The following DEDD2 variants were observed in gnomAD, a reference collection of about 807,000 sequenced individuals.
The protein encoded by DEDD2 is death effector domain containing 2, also known as DNA-binding death effector domain-containing protein 2.
DEDD2 carries 18 observed loss-of-function variants against 28.9 expected under a neutral mutation model. The ratio of observed to expected loss-of-function variants is 0.62; its 90% CI spans 0.43 to 0.92. The LOEUF (loss-of-function observed/expected upper bound fraction) is 0.92. Among genes scored for constraint, DEDD2 ranks in the 40% least tolerant of loss-of-function variants. The probability of loss-of-function intolerance (pLI) is 0.00; values close to 1 mark genes in which losing one functional copy is unlikely to be tolerated. For missense variants in DEDD2, 411 were observed against 463.3 expected, an observed-to-expected ratio of 0.89 and a Z score of 1.04; for synonymous variants, 211 against 206.1, an observed-to-expected ratio of 1.02 and a Z score of -0.20.
chr19:42,200,739 G>A (rs2146849073), intron 4 of DEDD2, among the ~76,000 whole-genome samples: 1 of 152,338 alleles, frequency 6.6e-6, no homozygotes, highest in East Asian at 1.9e-4. Flanking sequence ...CACGATCGTA[G>A]CTGGATTTTC....
chr19:42,200,719 C>CACATGAGCCCACGATCGTAGCTG (rs2035298770), intron 4 of DEDD2, among the ~76,000 whole-genome samples: 3 of 152,220 alleles, frequency 2.0e-5, no homozygotes, highest in Admixed American at 2.0e-4. Flanking sequence ...CTGAGGTCAT[C>CACATGAGCCCACGATCGTAGCTG]ACATGAGCCC....
In DEDD2 at chr19:42,199,883, T is replaced by G; in HGVS notation, c.590-54A>C. On this transcript the variant is annotated intron_variant, in intron 4 of 4. Transcript: ENST00000596251. This position sits in a 1 kb window ranked among gnomAD's most constrained non-coding sequence, Gnocchi z 7.4. ...AGGGGGCCAACACTAGACACACTTA[T>G]GGGGAACGCCACCCTTCCTCCCTCC... is the stretch of plus-strand genomic sequence containing the variant. 1 of 1,510,712 alleles carries G rather than the reference T, an allele frequency of 6.6e-7. No individual in the cohort carries two copies. The highest frequency in any genetic ancestry group is 8.9e-7 in the Non-Finnish European group (1 of 1,124,844). The allele number at this position is 1,510,712 out of a possible 1,614,324, so 93.6% of individuals were successfully genotyped here. A position where few individuals can be genotyped will look rare whatever the true frequency, so the allele number is the denominator to read the frequency against.
intron 4 of DEDD2, among the ~76,000 whole-genome samples, chr19:42,209,009 G>A (rs371879576): frequency 1.3e-5 from 2 of 152,178 alleles, no homozygotes; most frequent in East Asian, 1.9e-4. Context: ...AGGCTGAGGC[G>A]GGTGGATCAC....
At chr19:42,217,173 C>G (rs2036013405) in intron 1 of DEDD2, 128 bp from the exon 2 acceptor site, 1 of 674,070 alleles carries the variant, frequency 1.5e-6, no homozygotes, top group Non-Finnish European at 2.5e-6. Flanking sequence ...ACCGCCTCGG[C>G]CTCCCCCTCC....
At chr19:42,201,112 G>T (rs1056833942) in intron 4 of DEDD2, among the ~76,000 whole-genome samples, 1 of 152,156 alleles carries the variant, frequency 6.6e-6, no homozygotes, top group Non-Finnish European at 1.5e-5. Flanking sequence ...TGTGGGACAG[G>T]TCCTATTATC....
At chr19:42,201,475 T>C (rs1472290440) in intron 4 of DEDD2, among the ~76,000 whole-genome samples, 1 of 152,252 alleles carries the variant, frequency 6.6e-6, no homozygotes, top group African/African-American at 2.4e-5. Flanking sequence ...ACCCCTCTGA[T>C]AGGCCAATTG....
intron 2 of DEDD2, among the ~76,000 whole-genome samples, chr19:42,215,854 C>A (rs1568455536): frequency 6.6e-6 from 1 of 152,206 alleles, no homozygotes; most frequent in Non-Finnish European, 1.5e-5. Flanking sequence ...AGGAGCACTT[C>A]CTTCACAAGG....
Position 42,215,165 on chromosome 19 carries a change from G to A in DEDD2, c.416C>T (p.Ser139Phe). 6.2e-7 allele frequency: 1 copy of A among 1,614,158 alleles called. No homozygotes were observed. The highest frequency in any genetic ancestry group is 8.5e-7 in the Non-Finnish European group (1 of 1,180,038). Residue 139 changes from serine (S) to phenylalanine (F), a missense_variant, in exon 3 of 5, where the codon TCT becomes TTT. Coordinates refer to ENST00000596251, the MANE Select transcript of DEDD2 (RefSeq NM_133328.4). ...SCRRRRQSSSSANSQQGQWET... is the reference protein window; with the variant it reads ...SCRRRRQSSSFANSQQGQWET... Reference sequence around the variant, plus strand: ...CCACTGACCCTGCTGAGAATTTGCAGAACTGCTTGACTGCCGACGGCGACG... The same window carrying A: ...CCACTGACCCTGCTGAGAATTTGCAAAACTGCTTGACTGCCGACGGCGACG...
At chr19:42,210,337 G>A (rs959320339) in intron 3 of DEDD2, among the ~76,000 whole-genome samples, 14 of 152,252 alleles carry the variant, frequency 9.2e-5, no homozygotes, top group African/African-American at 3.4e-4. Context: ...GACTAGAAAT[G>A]AATGAATTGG....
Position 42,216,741 on chromosome 19 carries a change from G to T in DEDD2, c.267C>A (p.Leu89=), listed in dbSNP as rs573901612. The change falls in exon 2 of 5, where the codon CTC becomes CTA. Residue 89 remains leucine, a synonymous_variant. Coordinates refer to ENST00000596251, the MANE Select transcript of DEDD2 (RefSeq NM_133328.4). ...GGTCGTGGCGGGCCAGCACGCGCAG[G>T]AGTTGCCCCAGCAGCCGCAGGTTGC... is the stretch of plus-strand genomic sequence containing the variant. ...DESNLRLLGQ[L]LRVLARHDLL... is the part of the protein sequence containing the mutation. 9 of 1,593,762 alleles carry T rather than the reference G, an allele frequency of 5.6e-6. No homozygotes were observed. In the Admixed American group the frequency reaches 1.4e-4, roughly 24 times the overall value.
In DEDD2 at chr19:42,209,726, G is replaced by A; in HGVS notation, c.563C>T (p.Pro188Leu). The A allele has an allele frequency of 6.2e-7, 1 of 1,607,964 alleles. No homozygotes were observed. The highest frequency in any genetic ancestry group is 8.5e-7 in the Non-Finnish European group (1 of 1,177,296). Residue 188 changes from proline to leucine, a missense_variant, in exon 4 of 5, where the codon CCT (proline) becomes CTT (leucine). Transcript: ENST00000596251. The part of the protein sequence containing the change: ...APQQQSEPAR[P>L]SSEGKVTCDI... Reference sequence around the variant, plus strand: ...ACAGGTCACTTTGCCTTCAGAGGAAGGTCTGGCGGGCTCTGACTGCTGCTG... The same window carrying A: ...ACAGGTCACTTTGCCTTCAGAGGAAAGTCTGGCGGGCTCTGACTGCTGCTG...
intron 2 of DEDD2, among the ~76,000 whole-genome samples, chr19:42,215,757 C>T (rs1398342149): frequency 6.6e-6 from 1 of 152,288 alleles, no homozygotes; most frequent in Non-Finnish European, 1.5e-5. Flanking sequence ...CCTTTAGTAA[C>T]CCAGACAAAG....
intron 3 of DEDD2, among the ~76,000 whole-genome samples, chr19:42,213,310 A>G (rs1164133600): frequency 6.6e-6 from 1 of 152,252 alleles, no homozygotes; most frequent in Non-Finnish European, 1.5e-5. Flanking sequence ...ACCATTTTGC[A>G]AACACCAATG....
Position 42,215,255 on chromosome 19 carries a change from G to A in DEDD2, c.329-3C>T. 1 of 1,613,820 alleles carries A rather than the reference G, an allele frequency of 6.2e-7. No homozygotes were observed. Among genetic ancestry groups the A allele is most frequent in the East Asian group, 2.2e-5 (1 of 44,870 alleles). On this transcript the variant is annotated splice_polypyrimidine_tract_variant and splice_region_variant and intron_variant, in intron 2 of 4. Transcript: ENST00000596251. ...ATAGCTATAGCGTTCTGGAGACACT[G>A]GAGGAAGAGAAGAACAGGAAGAAGC...
chr19:42,219,151 A>G (rs2036082217), upstream of DEDD2, among the ~76,000 whole-genome samples: 2 of 151,662 alleles, frequency 1.3e-5, no homozygotes, highest in Admixed American at 6.6e-5. Flanking sequence ...CTAAAAATAC[A>G]AAATTAGCCG....
At chr19:42,203,048 G>A (rs2035393805) in intron 4 of DEDD2, among the ~76,000 whole-genome samples, 1 of 152,212 alleles carries the variant, frequency 6.6e-6, no homozygotes, top group Non-Finnish European at 1.5e-5. Context: ...AGGTGATGCT[G>A]TTATTATTCC....
intron 4 of DEDD2, among the ~76,000 whole-genome samples, chr19:42,206,944 G>A (rs1366470615): frequency 6.6e-6 from 1 of 152,170 alleles, no homozygotes; most frequent in East Asian, 1.9e-4. Context: ...TGGTGAGTCA[G>A]CAGTCAGACC....
chr19:42,216,541 A>C (rs2035975465), intron 2 of DEDD2, 139 bp downstream of exon 2: 2 of 880,556 alleles, frequency 2.3e-6, no homozygotes, highest in Non-Finnish European at 3.3e-6. Context: ...TTGCTCATTG[A>C]TATTGTGGGA....
chr19:42,218,531 G>C (rs1332553418), upstream of DEDD2, among the ~76,000 whole-genome samples: 2 of 152,094 alleles, frequency 1.3e-5, no homozygotes, highest in Admixed American at 6.5e-5. Context: ...TGTGGTGTAT[G>C]CGTGTCCCCT....
Sources: allele counts gnomAD v4.1 joint callset (sites outside exome capture counted in the v4.1 genomes callset), GRCh38; gene constraint gnomAD v4.1.1; non-coding constraint Gnocchi (gnomAD v3.1); transcripts MANE v1.5; gene names NCBI Gene and HGNC (gene_info 2026-07-23, HGNC 2026-07-21).